IL6R: variants seen among roughly 807,000 people sequenced by gnomAD.
IL6R encodes the protein interleukin 6 receptor.
Under a neutral mutation model 48.3 loss-of-function variants are expected in IL6R, and 38 were observed. That is an observed-to-expected ratio of 0.79 (90% confidence interval 0.61 to 1.03). The LOEUF is 1.03. Ranked by LOEUF, IL6R falls within the 50% of genes least tolerant of loss-of-function variation. The probability of loss-of-function intolerance (pLI) is 0.00; values close to 1 mark genes in which losing one functional copy is unlikely to be tolerated. For missense variants in IL6R, 534 were observed against 618.3 expected (o/e 0.86, Z 1.45); for synonymous variants, 264 against 256.2 (o/e 1.03, Z -0.29).
chr1:154,424,302 C>T (rs1688852451), intron 1 of IL6R, among the ~76,000 whole-genome samples: 1 of 152,222 alleles, frequency 6.6e-6, no homozygotes, highest in Non-Finnish European at 1.5e-5. Context: ...CCAGTGTTGT[C>T]ACCATGGTCG....
intron 1 of IL6R, among the ~76,000 whole-genome samples, chr1:154,410,418 ATTT>A (rs1687954884): frequency 8.6e-5 from 13 of 151,984 alleles, no homozygotes; most frequent in Admixed American, 8.5e-4. Context: ...CATCTGGCTA[ATTT>A]TTTGTATTTC....
At chr1:154,417,471 C>T (rs185629802) in intron 1 of IL6R, among the ~76,000 whole-genome samples, 3 of 152,300 alleles carry the variant, frequency 2.0e-5, no homozygotes, top group African/African-American at 4.8e-5. Flanking sequence ...CTGCAGGTAC[C>T]AATGGCTTTC....
In IL6R at chr1:154,414,600, G is replaced by A. The variant is rs146668761; in HGVS notation, c.85+8886G>A. ...TCTCATAGGCTTTCTTGATGCACCC[G>A]GCCATCTCATCCCTGATAGTGTCAA... On this transcript the variant is annotated intron_variant, in intron 1 of 9. Transcript: ENST00000368485. The A allele has an allele frequency of 2.4e-3, 1,807 of 761,986 alleles. 31 individuals carry two copies. In the African/African-American group the frequency reaches 0.028, roughly 12 times the overall value. The allele number at this position is 761,986 out of a possible 1,614,324, so 47.2% of individuals were successfully genotyped here.
intron 1 of IL6R, chr1:154,414,431 G>A: frequency 7.3e-7 from 1 of 1,378,542 alleles, no homozygotes; most frequent in Non-Finnish European, 1.0e-6. Flanking sequence ...GGAGGGAATG[G>A]TAGTGTCTTC....
Sources: gnomAD v4.1 joint callset for allele counts (sites outside exome capture counted in the v4.1 genomes callset) on GRCh38, gnomAD v4.1.1 for gene constraint, MANE v1.5 for transcripts, NCBI Gene and HGNC (gene_info 2026-07-23, HGNC 2026-07-21) for gene names.